Variants in FOXK1 observed in about 807,000 individuals in gnomAD.
The protein encoded by FOXK1 is forkhead box K1, also known as forkhead box protein K1.
In FOXK1, 19 loss-of-function variants were observed where a neutral mutation model predicts 51.9. That is an observed-to-expected ratio of 0.37 (90% CI 0.26 to 0.54). The LOEUF (loss-of-function observed/expected upper bound fraction) is 0.54. Among genes scored for constraint, FOXK1 ranks in the 20% least tolerant of loss-of-function variants. FOXK1 has a pLI of 0.87. For synonymous variants in FOXK1, 537 were observed against 482.6 expected, an observed-to-expected ratio of 1.11 and a Z score of -1.48; for missense variants, 870 against 1,032.7, an observed-to-expected ratio of 0.84 and a Z score of 2.16.
chr7:4,687,925 C>T (rs567857701), intron 1 of FOXK1, among the ~76,000 whole-genome samples: 2 of 152,176 alleles, frequency 1.3e-5, no homozygotes, highest in African/African-American at 4.8e-5. Context: ...GAGACAGGGT[C>T]TCAACCATGT....
chr7:4,729,265 G>A lies in FOXK1; in HGVS notation c.561-11573G>A, dbSNP rs1780419278. 6.6e-6 allele frequency among the ~76,000 whole-genome samples: 1 copy of A among 152,202 alleles called. No individual in the cohort carries two copies. Among genetic ancestry groups the A allele is most frequent in the Admixed American group, 6.5e-5 (1 of 15,276 alleles). On this transcript the variant is annotated intron_variant, in intron 1 of 8. Coordinates refer to ENST00000328914, the MANE Select transcript of FOXK1 (RefSeq NM_001037165.2). This position sits in a 1 kb window ranked among gnomAD's most constrained non-coding sequence, Gnocchi z 6.2. ...CAGTGGCTTTCTCCTGGGCCAGGCA[G>A]GGTTGTCTGGGGAGTGGAACGTCTG... is the stretch of plus-strand genomic sequence containing the variant.
In FOXK1 at chr7:4,707,830, C is replaced by T. The variant is rs1002361957; in HGVS notation, c.560+24962C>T. On this transcript the variant is annotated intron_variant, in intron 1 of 8. Transcript: ENST00000328914. The surrounding 1 kb of genome is among the most constrained non-coding windows in gnomAD (Gnocchi z 4.1). ...CCCCCAAGTAGCTGGGATGATAGGG[C>T]CCGCCACCGTGTCCGGCTAATTTTT... Among the ~76,000 whole-genome samples the T allele has an allele frequency of 7.2e-5, 11 of 152,056 alleles. No individual in the cohort carries two copies. Among genetic ancestry groups the T allele is most frequent in the Admixed American group, 7.2e-4 (11 of 15,246 alleles).
intron 1 of FOXK1, among the ~76,000 whole-genome samples, chr7:4,721,824 CAT>C (rs1455218466): frequency 3.9e-5 from 6 of 152,174 alleles, no homozygotes; most frequent in East Asian, 1.9e-4. Context: ...CTCCTGACCT[CAT>C]GTGATCCTCC....
intron 7 of FOXK1, among the ~76,000 whole-genome samples, chr7:4,760,625 C>T (rs1293270066): frequency 6.6e-6 from 1 of 152,126 alleles, no homozygotes; most frequent in Non-Finnish European, 1.5e-5. Flanking sequence ...CTGAGGCAGG[C>T]AGATCACTTG....
Position 4,682,619 on chromosome 7 carries a change from C to T in FOXK1, c.311C>T (p.Pro104Leu), listed in dbSNP as rs762878185. The T allele has an allele frequency of 7.9e-6, 12 of 1,516,274 alleles. No individual in the cohort carries two copies. The South Asian group carries it at 1.1e-4, about 14-fold the overall frequency. 93.9% of individuals were successfully genotyped at this position (1,516,274 alleles called of 1,614,324 possible). A position where few individuals can be genotyped will look rare whatever the true frequency, so the allele number is the denominator to read the frequency against. ...AAASVRQSPGPALARLEGREF... is the reference protein window; with the variant it reads ...AAASVRQSPGLALARLEGREF... ...GCCTCGGTACGGCAGAGCCCGGGGC[C>T]GGCGCTGGCGCGGCTGGAGGGCCGC... is the stretch of plus-strand genomic sequence containing the variant. The change falls in exon 1 of 9, where the codon CCG (proline) becomes CTG (leucine). Residue 104 changes from proline to leucine, a missense_variant. Coordinates refer to ENST00000328914, the MANE Select transcript of FOXK1 (RefSeq NM_001037165.2). The surrounding 1 kb of genome is among the most constrained non-coding windows in gnomAD (Gnocchi z 7.6).
rs1781044888 is a variant in FOXK1, at chr7:4,768,242, C to T, written c.*5778C>T. 7.1e-6 allele frequency: 1 copy of T among 140,810 alleles called. No homozygotes were observed. Among genetic ancestry groups the T allele is most frequent in the South Asian group, 2.2e-4 (1 of 4,622 alleles). 8.7% of individuals were successfully genotyped at this position (140,810 alleles called of 1,614,324 possible). ...CCGCCTCCCGGGTTCACGCCATTCT[C>T]CTGCCTCAGCCTCCCGAGTAGCTGG... On this transcript the variant is annotated 3_prime_UTR_variant, in exon 9 of 9. Coordinates refer to ENST00000328914, the MANE Select transcript of FOXK1 (RefSeq NM_001037165.2).
intron 2 of FOXK1, among the ~76,000 whole-genome samples, chr7:4,751,999 C>G (rs1780785175): frequency 6.6e-6 from 1 of 152,212 alleles, no homozygotes; most frequent in Non-Finnish European, 1.5e-5. Flanking sequence ...GTTGCCCAGG[C>G]TAGAGTGCAG....
rs181636299 is a variant in FOXK1 at position 4,718,852 on chromosome 7, C to G, written c.561-21986C>G. On this transcript the variant is annotated intron_variant, in intron 1 of 8. Transcript: ENST00000328914. ...GAGACGGAGTTTCACTCTTGTCACC[C>G]AGGCTGGAGTGCAGTGGCACAATCT... Among the ~76,000 whole-genome samples, 273 of 152,320 alleles carry G rather than the reference C, an allele frequency of 1.8e-3. 1 individual carries two copies. The highest frequency in any genetic ancestry group is 6.8e-3 in the Middle Eastern group (2 of 294).
At position 4,740,362 on chromosome 7, in the gene FOXK1, G is replaced by A. The variant is rs561038781; in HGVS notation, c.561-476G>A. ...GGAGAATGGTGTGAACCCAGGAGGC[G>A]GAGCTTGCAGTGAGCTGAGATCGTG... On this transcript the variant is annotated intron_variant, in intron 1 of 8. Transcript: ENST00000328914. Among the ~76,000 whole-genome samples, 15 of 149,438 alleles carry A rather than the reference G, an allele frequency of 1.0e-4. No individual in the cohort carries two copies. In the South Asian group the frequency reaches 1.7e-3, roughly 17 times the overall value.
At position 4,761,448 on chromosome 7, in the gene FOXK1, AAG is replaced by A. The variant is rs1780931590; in HGVS notation, c.1921+163_1921+164del. ...CAGGCACTGGGGTAATGCAAAGAAA[AAG>A]AGGGTGGAAGGGGCCACCTATCATC... On this transcript the variant is annotated intron_variant, in intron 8 of 8. Coordinates refer to ENST00000328914, the MANE Select transcript of FOXK1 (RefSeq NM_001037165.2). The surrounding 1 kb of genome is among the most constrained non-coding windows in gnomAD (Gnocchi z 6.2). Among the ~76,000 whole-genome samples, 1 of 152,050 alleles carries A rather than the reference AAG, an allele frequency of 6.6e-6. No homozygotes were observed. The highest frequency in any genetic ancestry group is 2.4e-5 in the African/African-American group (1 of 41,412).
chr7:4,697,215 C>A (rs1439577662), intron 1 of FOXK1, among the ~76,000 whole-genome samples: 1 of 152,272 alleles, frequency 6.6e-6, no homozygotes, highest in Admixed American at 6.5e-5. Flanking sequence ...CAGGGGAGGC[C>A]AGGCCCAGAA....
Position 4,755,577 on chromosome 7 carries a change from T to A in FOXK1, c.1050+194T>A, listed in dbSNP as rs963887193. ...AACATAGAGAGAACCTCTTTTCTAC[T>A]AAAAATTAGCTGAGTGTGGTGGTGC... On this transcript the variant is annotated intron_variant, in intron 4 of 8. Coordinates refer to ENST00000328914, the MANE Select transcript of FOXK1 (RefSeq NM_001037165.2). This position sits in a 1 kb window ranked among gnomAD's most constrained non-coding sequence, Gnocchi z 6.6. Among the ~76,000 whole-genome samples, 3 of 152,048 alleles carry A rather than the reference T, an allele frequency of 2.0e-5. No individual in the cohort carries two copies. The highest frequency in any genetic ancestry group is 2.9e-5 in the Non-Finnish European group (2 of 68,006).
intron 1 of FOXK1, among the ~76,000 whole-genome samples, chr7:4,694,560 G>A (rs1331294143): frequency 1.3e-5 from 2 of 152,158 alleles, no homozygotes; most frequent in African/African-American, 4.8e-5. Flanking sequence ...TCCCAGCCCC[G>A]CCCACAGACC....
At chr7:4,686,025 A>G (rs1219442764) in intron 1 of FOXK1, among the ~76,000 whole-genome samples, 2 of 152,030 alleles carry the variant, frequency 1.3e-5, no homozygotes, top group African/African-American at 4.8e-5. Context: ...AATTTTAAGG[A>G]TTTCAGCGCA....
In FOXK1 at chr7:4,747,135, C is replaced by G. The variant is rs1018384827; in HGVS notation, c.746+6112C>G. The stretch of plus-strand genomic sequence containing the variant: ...TCTGTTGAAAGGACATCCCCACGCC[C>G]GCGTTTCCTGTAATCTCGGAGGGTC... On this transcript the variant is annotated intron_variant, in intron 2 of 8. Coordinates refer to ENST00000328914, the MANE Select transcript of FOXK1 (RefSeq NM_001037165.2). This position sits in a 1 kb window ranked among gnomAD's most constrained non-coding sequence, Gnocchi z 9.2. 6.6e-6 allele frequency among the ~76,000 whole-genome samples: 1 copy of G among 152,182 alleles called. No individual in the cohort carries two copies. Among genetic ancestry groups the G allele is most frequent in the Non-Finnish European group, 1.5e-5 (1 of 68,034 alleles).
chr7:4,748,151 A>G lies in FOXK1; in HGVS notation c.747-6308A>G, dbSNP rs1485986152. Reference sequence around the variant, plus strand: ...TTACGAAGAGACTATCTATCTATCTATATGCATCTTACAAAATGCAAACAT... The same window carrying G: ...TTACGAAGAGACTATCTATCTATCTGTATGCATCTTACAAAATGCAAACAT... On this transcript the variant is annotated intron_variant, in intron 2 of 8. Transcript: ENST00000328914. The surrounding 1 kb of genome is among the most constrained non-coding windows in gnomAD (Gnocchi z 4.9). Among the ~76,000 whole-genome samples the G allele has an allele frequency of 1.3e-5, 2 of 151,874 alleles. No individual in the cohort carries two copies. The highest frequency in any genetic ancestry group is 1.9e-4 in the East Asian group (1 of 5,200).
At chr7:4,754,198 C>A (rs1185567669) in intron 2 of FOXK1, among the ~76,000 whole-genome samples, 2 of 152,232 alleles carry the variant, frequency 1.3e-5, no homozygotes, top group Non-Finnish European at 2.9e-5. Flanking sequence ...GCCCTGGGCC[C>A]TGCATAATGG....
Position 4,682,964 on chromosome 7 carries a change from C to T in FOXK1, c.560+96C>T, listed in dbSNP as rs1273526006. 1 of 1,253,368 alleles carries T rather than the reference C, an allele frequency of 8.0e-7. No individual in the cohort carries two copies. Among genetic ancestry groups the T allele is most frequent in the Non-Finnish European group, 1.1e-6 (1 of 951,826 alleles). 77.6% of individuals were successfully genotyped at this position (1,253,368 alleles called of 1,614,324 possible). ...CCTGGGGATCCCCCTCCAGCTTCCT[C>T]GGCCTCGACCCCCACCCCCCGGCCC... On this transcript the variant is annotated intron_variant, in intron 1 of 8. Coordinates refer to ENST00000328914, the MANE Select transcript of FOXK1 (RefSeq NM_001037165.2). This position sits in a 1 kb window ranked among gnomAD's most constrained non-coding sequence, Gnocchi z 7.6.
chr7:4,729,067 G>A lies in FOXK1; in HGVS notation c.561-11771G>A, dbSNP rs778870435. Among the ~76,000 whole-genome samples the A allele has an allele frequency of 6.6e-5, 10 of 152,232 alleles. No individual in the cohort carries two copies. Among genetic ancestry groups the A allele is most frequent in the South Asian group, 6.2e-4 (3 of 4,830 alleles). On this transcript the variant is annotated intron_variant, in intron 1 of 8. Coordinates refer to ENST00000328914, the MANE Select transcript of FOXK1 (RefSeq NM_001037165.2). This position sits in a 1 kb window ranked among gnomAD's most constrained non-coding sequence, Gnocchi z 6.2. ...TGCTCGTCGCAAGCAAGCTCTGCCC[G>A]GGTCAGCCCCAGAGGGTTGCAGAAC...
Sources: allele counts gnomAD v4.1 joint callset (sites outside exome capture counted in the v4.1 genomes callset), GRCh38; gene constraint gnomAD v4.1.1; non-coding constraint Gnocchi (gnomAD v3.1); transcripts MANE v1.5; gene names NCBI Gene and HGNC (gene_info 2026-07-23, HGNC 2026-07-21).